TTN: variants seen among roughly 807,000 people sequenced by gnomAD.
The protein encoded by TTN is titin, also known as connectin.
Under a neutral mutation model 3,223.0 loss-of-function variants are expected in TTN, and 1,525 were observed. That is an observed-to-expected ratio of 0.47 (90% CI 0.45 to 0.49). The LOEUF (loss-of-function observed/expected upper bound fraction) is 0.49. Ranked by LOEUF, TTN falls within the 20% of genes least tolerant of loss-of-function variation. The pLI is 0.00. For synonymous variants in TTN, 14,094 were observed against 15,161.0 expected (o/e 0.93, Z 5.17); for missense variants, 40,786 against 43,424.0 (o/e 0.94, Z 5.40).
rs1452842770 is a variant in TTN at position 178,725,513 on chromosome 2, T to C, written c.20691A>G (p.Glu6897=). 8 of 1,613,390 alleles carry C rather than the reference T, an allele frequency of 5.0e-6. No individual in the cohort carries two copies. In the South Asian group the frequency reaches 8.8e-5, roughly 18 times the overall value. The change falls in exon 71 of 363, where the codon GAA becomes GAG. Residue 6897 remains glutamate, a synonymous_variant. Transcript: ENST00000589042. ...CAAATGTAATCCTGATGTTTTCACT[T>C]TCTCTAATCACTTCTTCCTTCTCTT... ...WLKEKEEVIR[E]SENIRITFVE... is the part of the protein sequence containing the mutation.
chr2:178,643,348 G>A (rs2246932), intron 218 of TTN, among the ~76,000 whole-genome samples: 3,240 of 151,810 alleles, frequency 0.021, 66 homozygotes, highest in East Asian at 0.094. Context: ...TATGTATTTC[G>A]TTTTGAATAA....
rs748359400 is a variant in TTN, at chr2:178,570,855, G to C, written c.75277C>G (p.Pro25093Ala). Residue 25093 changes from proline to alanine, a missense_variant, in exon 326 of 363, where the codon CCT becomes GCT. Transcript: ENST00000589042. ...ARNAAGVFSEPSESTGAITAR... is the reference protein window; with the variant it reads ...ARNAAGVFSEASESTGAITAR... ...GTTATTGCTCCTGTGCTTTCTGAAG[G>C]CTCACTAAACACTCCTGCGGCATTT... The C allele has an allele frequency of 6.2e-7, 1 of 1,613,496 alleles. No homozygotes were observed. The highest frequency in any genetic ancestry group is 8.5e-7 in the Non-Finnish European group (1 of 1,179,632).
chr2:178,530,521 C>G lies in TTN; in HGVS notation c.106094G>C (p.Gly35365Ala). 1 of 1,613,986 alleles carries G rather than the reference C, an allele frequency of 6.2e-7. No homozygotes were observed. The highest frequency in any genetic ancestry group is 8.5e-7 in the Non-Finnish European group (1 of 1,179,880). Residue 35365 changes from glycine to alanine, a missense_variant, in exon 358 of 363, where the codon GGT (glycine) becomes GCT (alanine). Physicochemically the swap from Gly to Ala is moderately conservative, Grantham distance 60. Coordinates refer to ENST00000589042, the MANE Select transcript of TTN (RefSeq NM_001267550.2). ...TTGTAAGTTGGTTTTAGACGTTCCA[C>G]CTTCACCAGAAATCTCACAAACATA... ...GEYVCEISGEGGTSKTNLQFM... is the reference protein window; with the variant it reads ...GEYVCEISGEAGTSKTNLQFM...
At chr2:178,794,302 G>A (rs565753188) in intron 8 of TTN, 97 bp downstream of exon 8, 1 of 1,562,406 alleles carries the variant, frequency 6.4e-7, no homozygotes, top group East Asian at 2.2e-5. Flanking sequence ...AGAATGAATT[G>A]AGCACAGCTG....
chr2:178,597,575 G>A lies in TTN; in HGVS notation c.57507C>T (p.Ala19169=), dbSNP rs758951190. ...GVYSLLAKNE[A]GERKKTIIVD... is the part of the protein sequence containing the mutation. ...CAATAATTGTCTTCTTTCTTTCTCC[G>A]GCTTCATTTTTGGCAAGAAGAGAAT... Residue 19169 remains alanine (A), a synonymous_variant, in exon 294 of 363, where the codon GCC becomes GCT. Transcript: ENST00000589042. The A allele has an allele frequency of 6.2e-6, 10 of 1,612,394 alleles. No individual in the cohort carries two copies. The highest frequency in any genetic ancestry group is 4.0e-5 in the African/African-American group (3 of 74,804).
rs1371205000 is a variant in TTN, at chr2:178,547,036, C to T, written c.94489G>A (p.Ala31497Thr). ...TTTTGAGCCATTATAGGTCTTGAAG[C>T]TTCGCTGGCCTTGCTAACACCTGCA... ...NAAGVSKASE[A>T]SRPIMAQNPV... Residue 31497 changes from alanine to threonine, a missense_variant, in exon 340 of 363, where the codon GCT (alanine) becomes ACT (threonine). Coordinates refer to ENST00000589042, the MANE Select transcript of TTN (RefSeq NM_001267550.2). 1.2e-6 allele frequency: 2 copies of T among 1,612,946 alleles called. No individual in the cohort carries two copies. Among genetic ancestry groups the T allele is most frequent in the Admixed American group, 1.7e-5 (1 of 59,964 alleles).
At position 178,593,627 on chromosome 2, in the gene TTN, T is replaced by C. The variant is rs369224233; in HGVS notation, c.58673A>G (p.Asn19558Ser). 3 of 1,612,890 alleles carry C rather than the reference T, an allele frequency of 1.9e-6. No homozygotes were observed. In the African/African-American group the frequency reaches 4.0e-5, roughly 22 times the overall value. Residue 19558 changes from asparagine to serine, a missense_variant, in exon 298 of 363, where the codon AAT (asparagine) becomes AGT (serine). Coordinates refer to ENST00000589042, the MANE Select transcript of TTN (RefSeq NM_001267550.2). ...CAGAGGATCACTTATTCCATACAGATTTTCAGCATGTATCCGGAAAATATA... is the reference window on the plus strand; with the variant it reads ...CAGAGGATCACTTATTCCATACAGACTTTCAGCATGTATCCGGAAAATATA... Reference protein sequence around the residue: ...KDYIFRIHAENLYGISDPLVS... With the variant: ...KDYIFRIHAESLYGISDPLVS...
rs1396898734 is a variant in TTN, at chr2:178,689,056, G to A, written c.32092C>T (p.Arg10698Ter). 2.5e-6 allele frequency: 4 copies of A among 1,606,240 alleles called. No homozygotes were observed. The highest frequency in any genetic ancestry group is 2.7e-5 in the African/African-American group (2 of 73,016). The stretch of plus-strand genomic sequence containing the variant: ...AGAGGATTGAGGCAAATCCTACCTC[G>A]GGGAGGAGGAGCTTTCTTAGCGACA... Reference protein sequence around the residue: ...VPVAKKAPPPRAEVSKKTVVE... With the variant: ...VPVAKKAPPP The change falls in exon 125 of 363, where the codon CGA (arginine) becomes TGA (stop). Residue 10698 changes from arginine (R) to a stop codon, truncating the protein, a stop_gained. Transcript: ENST00000589042. LOFTEE classifies it high-confidence loss of function.
chr2:178,602,467 T>C lies in TTN; in HGVS notation c.54935A>G (p.Gln18312Arg), dbSNP rs754977491. 6.2e-7 allele frequency: 1 copy of C among 1,612,330 alleles called. No individual in the cohort carries two copies. The highest frequency in any genetic ancestry group is 8.5e-7 in the Non-Finnish European group (1 of 1,179,088). The change falls in exon 283 of 363, where the codon CAA becomes CGA. Residue 18312 changes from glutamine to arginine, a missense_variant. By Grantham distance (43) the Gln-to-Arg change is conservative. Transcript: ENST00000589042. ...TTTCCAGTCAGTAGTACCTTCTTCT[T>C]GCATTTCTACAATGTATCCTTTGAT... Reference protein sequence around the residue: ...SPIKGYIVEMQEEGTTDWKRV... With the variant: ...SPIKGYIVEMREEGTTDWKRV...
At chr2:178,744,728 G>A in intron 47 of TTN, 2 of 983,466 alleles carry the variant, frequency 2.0e-6, no homozygotes, top group Non-Finnish European at 2.4e-6. Flanking sequence ...TCAGAATACA[G>A]TTTTAAAATC....
In TTN at chr2:178,570,858, C is replaced by T. The variant is rs397517700; in HGVS notation, c.75274G>A (p.Glu25092Lys). ...ATTGCTCCTGTGCTTTCTGAAGGCT[C>T]ACTAAACACTCCTGCGGCATTTCGG... ...IARNAAGVFS[E>K]PSESTGAITA... is the part of the protein sequence containing the mutation. Residue 25092 changes from glutamate to lysine, a missense_variant, in exon 326 of 363, where the codon GAG (glutamate) becomes AAG (lysine). Transcript: ENST00000589042. The T allele has an allele frequency of 6.8e-6, 11 of 1,613,560 alleles. No homozygotes were observed. The African/African-American group carries it at 1.2e-4, about 18-fold the overall frequency.
intron 11 of TTN, among the ~76,000 whole-genome samples, chr2:178,790,351 G>A (rs2093421118): frequency 6.6e-6 from 1 of 152,136 alleles, no homozygotes; most frequent in African/African-American, 2.4e-5. Flanking sequence ...AAAGACTAAT[G>A]AGTGCTATTT....
chr2:178,785,529 C>A (rs935014082), intron 15 of TTN, 91 bp downstream of exon 15: 1 of 1,576,638 alleles, frequency 6.3e-7, no homozygotes, highest in Middle Eastern at 2.3e-4. Flanking sequence ...AAAAAGAATC[C>A]TCCATTGGCC....
At position 178,575,107 on chromosome 2, in the gene TTN, T is replaced by A; in HGVS notation, c.71025A>T (p.Lys23675Asn). The A allele has an allele frequency of 6.2e-7, 1 of 1,613,134 alleles. No homozygotes were observed. The highest frequency in any genetic ancestry group is 2.2e-5 in the East Asian group (1 of 44,640). Reference protein sequence around the residue: ...VTWKKGDQILKQTQRVNFETT... With the variant: ...VTWKKGDQILNQTQRVNFETT... ...TTTCAAAATTAACTCTCTGTGTCTG[T>A]TTAAGAATTTGGTCTCCTTTTTTCC... The change falls in exon 326 of 363, where the codon AAA becomes AAT. Residue 23675 changes from lysine (K) to asparagine (N), a missense_variant. By Grantham distance (94) the Lys-to-Asn change is moderately conservative. Transcript: ENST00000589042. This position sits in a 1 kb window ranked among gnomAD's most constrained non-coding sequence, Gnocchi z 4.0.
In TTN at chr2:178,588,217, G is replaced by C; in HGVS notation, c.63190C>G (p.Pro21064Ala). Residue 21064 changes from proline to alanine, a missense_variant and splice_region_variant, in exon 305 of 363, where the codon CCA becomes GCA. Physicochemically the swap from Pro to Ala is conservative, Grantham distance 27 (BLOSUM62 -1). Coordinates refer to ENST00000589042, the MANE Select transcript of TTN (RefSeq NM_001267550.2). Reference protein sequence around the residue: ...RPVVAKDPIEPPGPPTNFRVV... With the variant: ...RPVVAKDPIEAPGPPTNFRVV... ...CTGAAATTGGTTGGTGGACCAGGTG[G>C]CTCTGAAAGTAAAATATACATATAG... 1 of 1,560,692 alleles carries C rather than the reference G, an allele frequency of 6.4e-7. No homozygotes were observed. Among genetic ancestry groups the C allele is most frequent in the South Asian group, 1.2e-5 (1 of 81,938 alleles).
Position 178,535,471 on chromosome 2 carries a change from G to A in TTN, c.101144C>T (p.Ser33715Phe), listed in dbSNP as rs755892166. 1.1e-5 allele frequency: 18 copies of A among 1,613,872 alleles called. No homozygotes were observed. Among genetic ancestry groups the A allele is most frequent in the Non-Finnish European group, 1.4e-5 (17 of 1,179,836 alleles). ...SVNLTWTEPA[S>F]DGGSKITNYI... ...GTTGGTGATTTTGCTGCCACCATCA[G>A]AGGCTGGCTCAGTCCATGTTAAGTT... is the stretch of plus-strand genomic sequence containing the variant. The change falls in exon 358 of 363, where the codon TCT becomes TTT. Residue 33715 changes from serine to phenylalanine, a missense_variant. Ser to Phe is a radical substitution (Grantham distance 155). Coordinates refer to ENST00000589042, the MANE Select transcript of TTN (RefSeq NM_001267550.2).
chr2:178,627,330 G>A (rs1470646654), intron 240 of TTN, among the ~76,000 whole-genome samples: 3 of 151,824 alleles, frequency 2.0e-5, no homozygotes, highest in Non-Finnish European at 4.4e-5. Flanking sequence ...TTGCTTGTTT[G>A]GTTATTGTAG....
Position 178,589,644 on chromosome 2 carries a change from T to G in TTN, c.62081A>C (p.Tyr20694Ser). ...TGACAGATTTGGACTGCCACCATCATAGTCAGGCCTCCGCCACTTTAGATA... is the reference window on the plus strand; with the variant it reads ...TGACAGATTTGGACTGCCACCATCAGAGTCAGGCCTCCGCCACTTTAGATA... Reference protein sequence around the residue: ...FVYLKWRRPDYDGGSPNLSYH... With the variant: ...FVYLKWRRPDSDGGSPNLSYH... The change falls in exon 304 of 363, where the codon TAT becomes TCT. Residue 20694 changes from tyrosine to serine, a missense_variant. By Grantham distance (144) the Tyr-to-Ser change is moderately radical. Transcript: ENST00000589042. 1 of 1,613,480 alleles carries G rather than the reference T, an allele frequency of 6.2e-7. No individual in the cohort carries two copies. Among genetic ancestry groups the G allele is most frequent in the Non-Finnish European group, 8.5e-7 (1 of 1,179,598 alleles).
rs1328635276 is a variant in TTN at position 178,639,752 on chromosome 2, T to G, written c.40823A>C (p.Glu13608Ala). The G allele has an allele frequency of 1.2e-6, 2 of 1,608,742 alleles. No individual in the cohort carries two copies. The highest frequency in any genetic ancestry group is 3.4e-5 in the Admixed American group (2 of 59,268). Residue 13608 changes from glutamate (E) to alanine (A), a missense_variant, in exon 223 of 363, where the codon GAA becomes GCA. Transcript: ENST00000589042. ...KTIKPPPVEP[E>A]PTPIAAPVTV... ...TACTGGGGCAGCGATGGGGGTTGGT[T>G]CAGGTTCCACAGGAGGTGGTTTGAT...
Sources: gnomAD v4.1 joint callset for allele counts (sites outside exome capture counted in the v4.1 genomes callset) on GRCh38, gnomAD v4.1.1 for gene constraint, Gnocchi (gnomAD v3.1) non-coding constraint, MANE v1.5 for transcripts, NCBI Gene and HGNC (gene_info 2026-07-23, HGNC 2026-07-21) for gene names.